BICRA: variants seen among roughly 807,000 people sequenced by gnomAD.
BICRA encodes the protein BRD4 interacting chromatin remodeling complex associated protein, also known as BRD4-interacting chromatin-remodeling complex-associated protein.
BICRA carries 31 observed loss-of-function variants against 96.9 expected under a neutral mutation model. The observed-to-expected ratio is 0.32, with a 90% CI of 0.24 to 0.43. The LOEUF (loss-of-function observed/expected upper bound fraction) is 0.43. Ranked by LOEUF, BICRA falls within the 20% of genes least tolerant of loss-of-function variation. The pLI, the probability that BICRA is intolerant of heterozygous loss-of-function variation, is 1.00. For missense variants in BICRA, 2,283 were observed against 2,190.3 expected, an observed-to-expected ratio of 1.04 and a Z score of -0.84; for synonymous variants, 1,350 against 1,071.8, an observed-to-expected ratio of 1.26 and a Z score of -5.07.
chr19:47,701,964 G>A lies in BICRA; in HGVS notation c.4232G>A (p.Gly1411Glu), dbSNP rs890915482. The change falls in exon 15 of 15, where the codon GGA becomes GAA. Residue 1411 changes from glycine (G) to glutamate (E), a missense_variant. Gly to Glu is a moderately conservative substitution (Grantham distance 98). Coordinates refer to ENST00000594866, the MANE Select transcript of BICRA (RefSeq NM_001394372.1). This position sits in a 1 kb window ranked among gnomAD's most constrained non-coding sequence, Gnocchi z 5.4. ...PEGTPAGRAR[G>E]GSPAPLPAKV... Reference sequence around the variant, plus strand: ...GGGACGCCCGCAGGCAGGGCACGGGGAGGCAGCCCGGCGCCGCTGCCCGCC... The same window carrying A: ...GGGACGCCCGCAGGCAGGGCACGGGAAGGCAGCCCGGCGCCGCTGCCCGCC... 2 of 1,459,404 alleles carry A rather than the reference G, an allele frequency of 1.4e-6. No individual in the cohort carries two copies. Among genetic ancestry groups the A allele is most frequent in the African/African-American group, 1.5e-5 (1 of 66,768 alleles). 90.4% of individuals were successfully genotyped at this position (1,459,404 alleles called of 1,614,324 possible).
At chr19:47,669,912 T>C (rs964589442) in intron 1 of BICRA, among the ~76,000 whole-genome samples, 1 of 151,210 alleles carries the variant, frequency 6.6e-6, no homozygotes, top group African/African-American at 2.4e-5. Context: ...TGTCTCGGCC[T>C]CCCAAAGTGC....
Position 47,675,857 on chromosome 19 carries a change from A to G in BICRA, c.91A>G (p.Ser31Gly), listed in dbSNP as rs749683547. ...DFLHGSEKLD[S>G]DDLLDNPGEA... ...GGGGCGGGTCTTGTTGCAGCTTGAC[A>G]GTGATGACCTCCTGGATAATCCCGG... Residue 31 changes from serine (S) to glycine (G), a missense_variant, in exon 5 of 15, where the codon AGT becomes GGT. By Grantham distance (56) the Ser-to-Gly change is moderately conservative. Coordinates refer to ENST00000594866, the MANE Select transcript of BICRA (RefSeq NM_001394372.1). This position sits in a 1 kb window ranked among gnomAD's most constrained non-coding sequence, Gnocchi z 4.7. 242 of 1,605,438 alleles carry G rather than the reference A, an allele frequency of 1.5e-4. No individual in the cohort carries two copies. Among genetic ancestry groups the G allele is most frequent in the Non-Finnish European group, 2.0e-4 (234 of 1,175,236 alleles).
Position 47,615,106 on chromosome 19 carries a change from C to T in BICRA, c.-108+5938C>T, listed in dbSNP as rs368278762. On this transcript the variant is annotated intron_variant, in intron 1 of 14. Transcript: ENST00000594866. ...TCAAGTGAGCCTCGCATCTCAGCCT[C>T]CCCAGTAGCTGGGACTACAGGTGCA... Among the ~76,000 whole-genome samples the T allele has an allele frequency of 2.4e-4, 36 of 152,296 alleles. No individual in the cohort carries two copies. The South Asian group carries it at 7.0e-3, about 30-fold the overall frequency.
intron 1 of BICRA, among the ~76,000 whole-genome samples, chr19:47,623,858 T>TTTTGAGACC (rs1803019176): frequency 4.6e-5 from 7 of 151,558 alleles, no homozygotes; most frequent in Admixed American, 4.6e-4. Flanking sequence ...TTTTTTTTTT[T>TTTTGAGACC]TTTTGAGACT....
chr19:47,664,443 G>T (rs1972746190), intron 1 of BICRA, among the ~76,000 whole-genome samples: 1 of 152,222 alleles, frequency 6.6e-6, no homozygotes, highest in African/African-American at 2.4e-5. Flanking sequence ...TAGTGTGGTG[G>T]TGAAGAGTGA....
At chr19:47,641,010 C>G (rs989774978) in intron 1 of BICRA, among the ~76,000 whole-genome samples, 9 of 150,700 alleles carry the variant, frequency 6.0e-5, no homozygotes, top group Admixed American at 2.0e-4. Context: ...AGCGATTCTC[C>G]TACCTCAGCC....
At chr19:47,646,922 C>T (rs955802746) in intron 1 of BICRA, among the ~76,000 whole-genome samples, 12 of 152,180 alleles carry the variant, frequency 7.9e-5, no homozygotes, top group African/African-American at 2.9e-4. Context: ...CAAAAAGAAA[C>T]TCTGCATCCC....
At chr19:47,652,454 C>G (rs1157124802) in intron 1 of BICRA, among the ~76,000 whole-genome samples, 2 of 152,156 alleles carry the variant, frequency 1.3e-5, no homozygotes, top group East Asian at 3.9e-4. Context: ...TCCCAAAGTG[C>G]TGGGATTACA....
In BICRA at chr19:47,673,692, C is replaced by CT; in HGVS notation, c.42-27dup. On this transcript the variant is annotated intron_variant, in intron 3 of 14. Coordinates refer to ENST00000594866, the MANE Select transcript of BICRA (RefSeq NM_001394372.1). ...CCTCCCCTCCCCAGCTCCTTACCTC[C>CT]TCAGCGTCTCTTCCTCTTCTCTTCC... 3 of 1,608,504 alleles carry CT rather than the reference C, an allele frequency of 1.9e-6. No homozygotes were observed. In the South Asian group the frequency reaches 3.3e-5, roughly 18 times the overall value.
At chr19:47,635,626 A>G (rs564081932) in intron 1 of BICRA, among the ~76,000 whole-genome samples, 1 of 152,160 alleles carries the variant, frequency 6.6e-6, no homozygotes, top group South Asian at 2.1e-4. Context: ...CCTGGCCCCC[A>G]GCCCCTGCAA....
intron 1 of BICRA, among the ~76,000 whole-genome samples, chr19:47,667,737 T>C (rs1389709795): frequency 6.6e-6 from 1 of 152,066 alleles, no homozygotes; most frequent in Non-Finnish European, 1.5e-5. Context: ...AGTCCCTTTA[T>C]CTCCTTTTCC....
At chr19:47,670,813 C>T (rs1256082815) in intron 2 of BICRA, among the ~76,000 whole-genome samples, 1 of 152,206 alleles carries the variant, frequency 6.6e-6, no homozygotes, top group African/African-American at 2.4e-5. Context: ...CCTTTGCATG[C>T]CTTCTGTGAG....
intron 5 of BICRA, among the ~76,000 whole-genome samples, chr19:47,678,451 T>C (rs549548372): frequency 2.0e-5 from 3 of 152,100 alleles, no homozygotes; most frequent in Admixed American, 2.0e-4. Flanking sequence ...CTGGTAGAGA[T>C]TGGGGGACAG....
rs184580094 is a variant in BICRA, at chr19:47,650,653, G to C, written c.-107-19790G>C. On this transcript the variant is annotated intron_variant, in intron 1 of 14. Transcript: ENST00000594866. ...TCTGAGAGGGAGGTGTGGAGTTCTTGCCCATAGCTGCCACTTCAGTATTTC... is the reference window on the plus strand; with the variant it reads ...TCTGAGAGGGAGGTGTGGAGTTCTTCCCCATAGCTGCCACTTCAGTATTTC... Among the ~76,000 whole-genome samples, 6 of 152,290 alleles carry C rather than the reference G, an allele frequency of 3.9e-5. 1 individual carries two copies. Among genetic ancestry groups the C allele is most frequent in the African/African-American group, 1.4e-4 (6 of 41,556 alleles).
chr19:47,653,729 A>G (rs868342064), intron 1 of BICRA, among the ~76,000 whole-genome samples: 8 of 152,200 alleles, frequency 5.3e-5, no homozygotes, highest in African/African-American at 1.9e-4. Context: ...TGTGATATGG[A>G]TACACCACAT....
At position 47,699,133 on chromosome 19, in the gene BICRA, T is replaced by C. The variant is rs1040096290; in HGVS notation, c.3492+74T>C. 1.7e-5 allele frequency: 19 copies of C among 1,131,728 alleles called. No homozygotes were observed. Among genetic ancestry groups the C allele is most frequent in the Non-Finnish European group, 2.5e-5 (19 of 769,434 alleles). The allele number at this position is 1,131,728 out of a possible 1,614,324, so 70.1% of individuals were successfully genotyped here. ...CACTGCCCCTTTCCCTCACCCGCTC[T>C]GGGCAAGGTGGAGCCTCCCGCCCCT... is the stretch of plus-strand genomic sequence containing the variant. On this transcript the variant is annotated intron_variant, in intron 13 of 14. Transcript: ENST00000594866. The surrounding 1 kb of genome is among the most constrained non-coding windows in gnomAD (Gnocchi z 5.0).
Position 47,630,078 on chromosome 19 carries a change from A to G in BICRA, c.-108+20910A>G, listed in dbSNP as rs141213840. ...TCATCATTCCAAATAGAAACTCTGT[A>G]CCTATTAAAGAGTAACTCTCTATCC... is the stretch of plus-strand genomic sequence containing the variant. On this transcript the variant is annotated intron_variant, in intron 1 of 14. Coordinates refer to ENST00000594866, the MANE Select transcript of BICRA (RefSeq NM_001394372.1). Among the ~76,000 whole-genome samples the G allele has an allele frequency of 1.1e-3, 167 of 151,640 alleles. No homozygotes were observed. In the Middle Eastern group the frequency reaches 0.014, roughly 12 times the overall value.
Position 47,680,099 on chromosome 19 carries a change from CG to C in BICRA, c.934del (p.Ala312ProfsTer31), listed in dbSNP as rs1341478903. ...TLNGNSVFGG[A>X]GAASAPTGTP... is the part of the protein sequence containing the mutation. Reference sequence around the variant, plus strand: ...AATGGGAACTCTGTGTTCGGAGGCGCGGGGGCCGCCTCGGCTCCCACCGGGA... The same window carrying C: ...AATGGGAACTCTGTGTTCGGAGGCGCGGGGCCGCCTCGGCTCCCACCGGGA... On this transcript the variant is annotated frameshift_variant, in exon 6 of 15. Coordinates refer to ENST00000594866, the MANE Select transcript of BICRA (RefSeq NM_001394372.1). LOFTEE classifies it high-confidence loss of function. The C allele has an allele frequency of 4.5e-6, 7 of 1,546,802 alleles. No homozygotes were observed. The highest frequency in any genetic ancestry group is 2.4e-5 in the South Asian group (2 of 84,080).
rs1973435400 is a variant in BICRA at position 47,701,169 on chromosome 19, C to G, written c.3596-159C>G. 3.2e-6 allele frequency: 2 copies of G among 615,420 alleles called. No individual in the cohort carries two copies. Among genetic ancestry groups the G allele is most frequent in the African/African-American group, 3.7e-5 (2 of 53,948 alleles). 38.1% of individuals were successfully genotyped at this position (615,420 alleles called of 1,614,324 possible). A position where few individuals can be genotyped will look rare whatever the true frequency, so the allele number is the denominator to read the frequency against. On this transcript the variant is annotated intron_variant, in intron 14 of 14. Coordinates refer to ENST00000594866, the MANE Select transcript of BICRA (RefSeq NM_001394372.1). The surrounding 1 kb of genome is among the most constrained non-coding windows in gnomAD (Gnocchi z 5.4). ...TAGAGTTGGGGGAATTTGGGCCTTG[C>G]TGAAGAGGGTCTCACCAAGCCTATC... is the stretch of plus-strand genomic sequence containing the variant.
Sources: gnomAD v4.1 joint callset for allele counts (sites outside exome capture counted in the v4.1 genomes callset) on GRCh38, gnomAD v4.1.1 for gene constraint, Gnocchi (gnomAD v3.1) non-coding constraint, MANE v1.5 for transcripts, NCBI Gene and HGNC (gene_info 2026-07-23, HGNC 2026-07-21) for gene names.